Variants in TMEM68 observed in about 807,000 individuals in gnomAD.
The protein encoded by TMEM68 is transmembrane protein 68, also known as DGAT1/2-independent enzyme synthesizing storage lipids.
A neutral mutation model predicts 36.9 loss-of-function variants in TMEM68; 25 were observed. The observed-to-expected ratio is 0.68, with a 90% CI of 0.49 to 0.95. The LOEUF (loss-of-function observed/expected upper bound fraction) is 0.95, where lower values mean the gene tolerates loss of function less well. Ranked by LOEUF, TMEM68 falls within the 40% of genes least tolerant of loss-of-function variation. The probability of loss-of-function intolerance (pLI) is 0.00; values close to 1 mark genes in which losing one functional copy is unlikely to be tolerated. For synonymous variants in TMEM68, 131 were observed against 124.4 expected, an observed-to-expected ratio of 1.05 and a Z score of -0.35; for missense variants, 333 against 392.0, an observed-to-expected ratio of 0.85 and a Z score of 1.27.
chr8:55,764,514 C>T (rs919120003), intron 1 of TMEM68, among the ~76,000 whole-genome samples: 2 of 151,968 alleles, frequency 1.3e-5, no homozygotes, highest in African/African-American at 4.8e-5. Flanking sequence ...TAAATGAAAG[C>T]AAAGGATGAA....
At chr8:55,770,935 C>G (rs1376022167) in intron 1 of TMEM68, among the ~76,000 whole-genome samples, 1 of 152,072 alleles carries the variant, frequency 6.6e-6, no homozygotes, top group Non-Finnish European at 1.5e-5. Context: ...GCAGGAGGAT[C>G]ACCTGAGGTC....
At chr8:55,757,826 C>T (rs959479892) in intron 3 of TMEM68, among the ~76,000 whole-genome samples, 1 of 152,102 alleles carries the variant, frequency 6.6e-6, no homozygotes, top group African/African-American at 2.4e-5. Flanking sequence ...ATATCTACCA[C>T]GGGGGCAGTG....
Position 55,751,026 on chromosome 8 carries a change from TTTC to T in TMEM68, c.622_624del (p.Glu208del). On this transcript the variant is annotated inframe_deletion, in exon 5 of 8. Coordinates refer to ENST00000434581, the MANE Select transcript of TMEM68 (RefSeq NM_001286657.2). ...CGATGACCCCATACGATGTTATAAG[TTTC>T]ATCACTAATTAGGGCTTCTCGAACT... The T allele has an allele frequency of 6.2e-7, 1 of 1,613,952 alleles. No homozygotes were observed. Among genetic ancestry groups the T allele is most frequent in the Non-Finnish European group, 8.5e-7 (1 of 1,179,984 alleles).
At chr8:55,745,532 C>T (rs888818435) in intron 5 of TMEM68, 9 of 152,396 alleles carry the variant, frequency 5.9e-5, no homozygotes, top group African/African-American at 1.7e-4. Context: ...ATTTCATTGA[C>T]CAGTTTTCCT....
chr8:55,756,512 G>C, intron 3 of TMEM68, 101 bp from the exon 4 acceptor site: 4 of 1,020,574 alleles, frequency 3.9e-6, no homozygotes, highest in Admixed American at 2.9e-5. Flanking sequence ...AAGTACACTA[G>C]TCTTCCTGGT....
chr8:55,751,359 C>G (rs1199109412), intron 4 of TMEM68: 4 of 531,454 alleles, frequency 7.5e-6, no homozygotes, highest in South Asian at 7.5e-5. Flanking sequence ...GTAAAACTCA[C>G]AACAATCTTG....
At chr8:55,770,839 G>A (rs1011619840) in intron 1 of TMEM68, among the ~76,000 whole-genome samples, 6 of 152,100 alleles carry the variant, frequency 3.9e-5, no homozygotes, top group African/African-American at 7.2e-5. Flanking sequence ...TCCCTATCTG[G>A]AAATCACGTA....
chr8:55,754,540 TTA>T (rs576591525), intron 4 of TMEM68, among the ~76,000 whole-genome samples: 12 of 137,980 alleles, frequency 8.7e-5, no homozygotes, highest in South Asian at 2.2e-4. Flanking sequence ...TATACTTATA[TTA>T]TATATATAAT....
At chr8:55,764,713 C>A (rs983951433) in intron 1 of TMEM68, among the ~76,000 whole-genome samples, 2 of 152,262 alleles carry the variant, frequency 1.3e-5, no homozygotes, top group East Asian at 3.9e-4. Flanking sequence ...AGGAGATGAA[C>A]ATAGCAAACA....
intron 1 of TMEM68, among the ~76,000 whole-genome samples, chr8:55,772,257 A>G (rs760299123): frequency 6.6e-5 from 10 of 152,222 alleles, no homozygotes; most frequent in Non-Finnish European, 1.3e-4. Context: ...TACCATTCAA[A>G]ATGCATGAAT....
In TMEM68 at chr8:55,740,080, A is replaced by T; in HGVS notation, c.*52T>A. ...AAATTCAGAAGACAGTACCTTAGAT[A>T]CAAACATTTAATATAAATGTACTAA... On this transcript the variant is annotated 3_prime_UTR_variant, in exon 8 of 8. Coordinates refer to ENST00000434581, the MANE Select transcript of TMEM68 (RefSeq NM_001286657.2). 6.9e-7 allele frequency: 1 copy of T among 1,443,086 alleles called. No homozygotes were observed. The highest frequency in any genetic ancestry group is 1.4e-5 in the African/African-American group (1 of 70,846). The allele number at this position is 1,443,086 out of a possible 1,614,324, so 89.4% of individuals were successfully genotyped here.
intron 1 of TMEM68, among the ~76,000 whole-genome samples, chr8:55,765,633 CT>C (rs1333403398): frequency 1.3e-5 from 2 of 152,106 alleles, no homozygotes; most frequent in Non-Finnish European, 2.9e-5. Context: ...TAAAAATATG[CT>C]ACTATTTTCT....
intron 5 of TMEM68, among the ~76,000 whole-genome samples, chr8:55,748,604 T>C (rs1469113317): frequency 6.6e-6 from 1 of 151,834 alleles, no homozygotes; most frequent in African/African-American, 2.4e-5. Context: ...AGAGAATATA[T>C]ATGTATAATT....
chr8:55,769,018 TAAAA>T lies in TMEM68; in HGVS notation c.-115+4247_-115+4250del, dbSNP rs200493179. On this transcript the variant is annotated intron_variant, in intron 1 of 7. Coordinates refer to ENST00000434581, the MANE Select transcript of TMEM68 (RefSeq NM_001286657.2). ...GTGAAAGAGCAAGAGACTCTGTCTTTAAAAAAAAAAAAAAAAAAAAAAAGGGCCA... is the reference window on the plus strand; with the variant it reads ...GTGAAAGAGCAAGAGACTCTGTCTTTAAAAAAAAAAAAAAAAAAAGGGCCA... Among the ~76,000 whole-genome samples the T allele has an allele frequency of 1.9e-3, 155 of 82,092 alleles. 6 individuals carry two copies. Among genetic ancestry groups the T allele is most frequent in the Middle Eastern group, 0.01 (1 of 98 alleles). 53.9% of individuals were successfully genotyped at this position (82,092 alleles called of 152,430 possible). A position where few individuals can be genotyped will look rare whatever the true frequency, so the allele number is the denominator to read the frequency against.
At chr8:55,772,967 G>C (rs573410067) in intron 1 of TMEM68, 3 of 152,562 alleles carry the variant, frequency 2.0e-5, no homozygotes, top group African/African-American at 7.2e-5. Flanking sequence ...AGGATGAAAC[G>C]CGCCGAACCG....
intron 5 of TMEM68, chr8:55,748,122 A>G (rs1279421079): frequency 6.6e-6 from 1 of 152,218 alleles, no homozygotes; most frequent in Admixed American, 6.5e-5. Context: ...TCATCCTTAA[A>G]GCCACAAGCA....
At position 55,750,963 on chromosome 8, in the gene TMEM68, C is replaced by A; in HGVS notation, c.687+1G>T. The A allele has an allele frequency of 6.2e-7, 1 of 1,600,064 alleles. No individual in the cohort carries two copies. Among genetic ancestry groups the A allele is most frequent in the South Asian group, 1.1e-5 (1 of 87,976 alleles). ...TCAATAATTAATTTTATATAACTCA[C>A]CACTTTTGCATCAATTGCAACCTGA... is the stretch of plus-strand genomic sequence containing the variant. On this transcript the variant is annotated splice_donor_variant, in intron 5 of 7. Transcript: ENST00000434581. LOFTEE classifies it high-confidence loss of function.
chr8:55,740,356 G>A, intron 7 of TMEM68, 138 bp from the exon 8 acceptor site: 4 of 612,940 alleles, frequency 6.5e-6, no homozygotes, highest in East Asian at 2.9e-5. Context: ...ATAGAGATGG[G>A]GTTTCACTAT....
At chr8:55,754,921 TTA>T (rs1810554030) in intron 4 of TMEM68, among the ~76,000 whole-genome samples, 1 of 44,034 alleles carries the variant, frequency 2.3e-5, no homozygotes, top group South Asian at 7.1e-4. Flanking sequence ...TATTATATAT[TTA>T]TATATATTTA....
Sources: allele counts gnomAD v4.1 joint callset (sites outside exome capture counted in the v4.1 genomes callset), GRCh38; gene constraint gnomAD v4.1.1; transcripts MANE v1.5; gene names NCBI Gene and HGNC (gene_info 2026-07-23, HGNC 2026-07-21).